EYS: variants seen among roughly 807,000 people sequenced by gnomAD.
EYS encodes the protein EGF-like photoreceptor maintenance factor, also known as protein eyes shut homolog.
Under a neutral mutation model 282.1 loss-of-function variants are expected in EYS, and 250 were observed. That is an observed-to-expected ratio of 0.89 (90% CI 0.80 to 0.98). The LOEUF (loss-of-function observed/expected upper bound fraction) is 0.98. Among genes scored for constraint, EYS ranks in the 50% least tolerant of loss-of-function variants. The pLI, the probability that EYS is intolerant of heterozygous loss-of-function variation, is 0.00. For synonymous variants in EYS, 1,355 were observed against 1,282.9 expected, an observed-to-expected ratio of 1.06 and a Z score of -1.20; for missense variants, 4,016 against 3,709.0, an observed-to-expected ratio of 1.08 and a Z score of -2.15.
At chr6:63,984,749 T>C in intron 34 of EYS, 146 bp from the exon 35 acceptor site, 1 of 663,794 alleles carries the variant, frequency 1.5e-6, no homozygotes, top group Non-Finnish European at 2.6e-6. Context: ...GTTTTGTCAC[T>C]TCTACTAGGT....
intron 26 of EYS, among the ~76,000 whole-genome samples, chr6:64,444,985 C>A (rs1255137454): frequency 3.3e-5 from 5 of 152,218 alleles, no homozygotes; most frequent in Non-Finnish European, 7.3e-5. Flanking sequence ...GCCTGCTGAA[C>A]CATGAACCAA....
At position 64,954,755 on chromosome 6, in the gene EYS, G is replaced by C. The variant is rs1769633123; in HGVS notation, c.2260-8841C>G. Reference sequence around the variant, plus strand: ...CTTCGTCAATTTTTCCCCCACCCCTGGCAAGGGCACCAAATTAACAACTAT... The same window carrying C: ...CTTCGTCAATTTTTCCCCCACCCCTCGCAAGGGCACCAAATTAACAACTAT... On this transcript the variant is annotated intron_variant, in intron 14 of 42. Coordinates refer to ENST00000503581, the MANE Select transcript of EYS (RefSeq NM_001142800.2). Among the ~76,000 whole-genome samples, 3 of 152,122 alleles carry C rather than the reference G, an allele frequency of 2.0e-5. No homozygotes were observed. In the South Asian group the frequency reaches 6.2e-4, roughly 32 times the overall value.
intron 31 of EYS, among the ~76,000 whole-genome samples, chr6:64,195,740 G>A (rs892669871): frequency 6.6e-6 from 1 of 151,734 alleles, no homozygotes; most frequent in Admixed American, 6.6e-5. Flanking sequence ...AAATTTAATT[G>A]ATCATTTAAA....
intron 26 of EYS, among the ~76,000 whole-genome samples, chr6:64,549,875 A>G (rs1234304648): frequency 6.6e-6 from 1 of 151,510 alleles, no homozygotes; most frequent in African/African-American, 2.4e-5. Context: ...TCCTAATGCT[A>G]TCCCTCCCTC....
At chr6:63,826,845 C>CAAAAAAAAAAAAAAAAATAAAAAA (rs1771475400) in intron 36 of EYS, among the ~76,000 whole-genome samples, 1 of 76,762 alleles carries the variant, frequency 1.3e-5, no homozygotes, top group Admixed American at 1.4e-4. Context: ...AGTTAAAAAG[C>CAAAAAAAAAAAAAAAAATAAAAAA]AAAAAAAAAA....
At chr6:65,239,525 T>C (rs1582052814) in intron 12 of EYS, among the ~76,000 whole-genome samples, 1 of 152,242 alleles carries the variant, frequency 6.6e-6, no homozygotes, top group South Asian at 2.1e-4. Flanking sequence ...TTAAAAATTC[T>C]TTTAAAATTT....
intron 36 of EYS, among the ~76,000 whole-genome samples, chr6:63,856,353 TA>T (rs537785043): frequency 1.3e-3 from 192 of 152,322 alleles, no homozygotes; most frequent in African/African-American, 4.4e-3. Flanking sequence ...TAGACCTTTT[TA>T]AAAAGCAGGA....
At chr6:65,095,342 C>T (rs1774708980) in intron 12 of EYS, among the ~76,000 whole-genome samples, 1 of 150,754 alleles carries the variant, frequency 6.6e-6, no homozygotes, top group African/African-American at 2.4e-5. Flanking sequence ...TATTATACAT[C>T]ATGGTGACTG....
chr6:64,824,556 T>A (rs1422872061), intron 19 of EYS, among the ~76,000 whole-genome samples: 1 of 151,824 alleles, frequency 6.6e-6, no homozygotes, highest in East Asian at 1.9e-4. Context: ...CCATTCTAAC[T>A]AGGAAGATAA....
chr6:64,488,590 C>T (rs1409924185), intron 26 of EYS, among the ~76,000 whole-genome samples: 2 of 150,932 alleles, frequency 1.3e-5, no homozygotes, highest in Non-Finnish European at 3.0e-5. Context: ...AAAACAAAGT[C>T]TGGGAAAATT....
intron 26 of EYS, among the ~76,000 whole-genome samples, chr6:64,496,713 G>T (rs1382361853): frequency 6.6e-6 from 1 of 151,856 alleles, no homozygotes; most frequent in African/African-American, 2.4e-5. Flanking sequence ...AAATTATAAT[G>T]TTAAATGTTA....
At chr6:64,699,793 A>G (rs905081010) in intron 22 of EYS, among the ~76,000 whole-genome samples, 1 of 152,068 alleles carries the variant, frequency 6.6e-6, no homozygotes, top group Admixed American at 6.6e-5. Flanking sequence ...CCAAGCCTCC[A>G]GAAACTCTTC....
chr6:65,522,863 C>A (rs751598093), intron 2 of EYS, among the ~76,000 whole-genome samples: 1 of 152,002 alleles, frequency 6.6e-6, no homozygotes, highest in Non-Finnish European at 1.5e-5. Flanking sequence ...GCCTTTTAAC[C>A]TTTTCCTTGA....
At chr6:64,125,987 A>G (rs1773773811) in intron 31 of EYS, among the ~76,000 whole-genome samples, 6 of 151,524 alleles carry the variant, frequency 4.0e-5, no homozygotes, top group Admixed American at 3.9e-4. Flanking sequence ...TTACATATGT[A>G]TACATGTGCC....
chr6:65,639,203 T>C (rs1054651971), intron 2 of EYS, among the ~76,000 whole-genome samples: 1 of 151,926 alleles, frequency 6.6e-6, no homozygotes, highest in Non-Finnish European at 1.5e-5. Flanking sequence ...TAAGATAATA[T>C]CAATATGAGA....
intron 28 of EYS, among the ~76,000 whole-genome samples, chr6:64,411,711 G>T (rs911983030): frequency 1.3e-5 from 2 of 151,880 alleles, no homozygotes; most frequent in African/African-American, 2.4e-5. Context: ...AGCCAGGTGT[G>T]GTGGCTTGCA....
intron 2 of EYS, among the ~76,000 whole-genome samples, chr6:65,576,578 G>T (rs1173253393): frequency 2.6e-5 from 4 of 151,870 alleles, no homozygotes; most frequent in African/African-American, 9.7e-5. Flanking sequence ...GTCCTAACCA[G>T]AGAAATTAGT....
chr6:63,804,953 G>C (rs1403376764), intron 37 of EYS, among the ~76,000 whole-genome samples: 1 of 152,104 alleles, frequency 6.6e-6, no homozygotes, highest in Non-Finnish European at 1.5e-5. Context: ...ACATGATAGA[G>C]TACCCCATCC....
intron 2 of EYS, among the ~76,000 whole-genome samples, chr6:65,579,293 A>G (rs1464974328): frequency 6.6e-6 from 1 of 152,114 alleles, no homozygotes; most frequent in East Asian, 1.9e-4. Context: ...AGCTTTATAG[A>G]CATTGAAATA....
Sources: allele counts gnomAD v4.1 joint callset (sites outside exome capture counted in the v4.1 genomes callset), GRCh38; gene constraint gnomAD v4.1.1; transcripts MANE v1.5; gene names NCBI Gene and HGNC (gene_info 2026-07-23, HGNC 2026-07-21).